Variants in ST6GAL2 observed in about 807,000 individuals in gnomAD.
ST6GAL2 encodes the protein beta-galactoside alpha-2,6-sialyltransferase 2.
ST6GAL2 carries 24 observed loss-of-function variants against 37.5 expected under a neutral mutation model. That is an observed-to-expected ratio of 0.64 (90% CI 0.46 to 0.90). The LOEUF (loss-of-function observed/expected upper bound fraction) is 0.90. Among genes scored for constraint, ST6GAL2 ranks in the 40% least tolerant of loss-of-function variants. The probability of loss-of-function intolerance (pLI) is 0.00; values close to 1 mark genes in which losing one functional copy is unlikely to be tolerated. For missense variants in ST6GAL2, 715 were observed against 712.7 expected (o/e 1.00, Z -0.04); for synonymous variants, 306 against 295.1 (o/e 1.04, Z -0.38).
chr2:106,849,720 C>A (rs545751706), intron 1 of ST6GAL2, among the ~76,000 whole-genome samples: 2 of 152,158 alleles, frequency 1.3e-5, no homozygotes, highest in Non-Finnish European at 2.9e-5. Context: ...ACCTATGAGG[C>A]GTCATCTCTA....
Position 106,843,159 on chromosome 2 carries a change from C to T in ST6GAL2, c.819G>A (p.Ala273=), listed in dbSNP as rs1437979462. The part of the protein sequence containing the change: ...TLDGTEAPFS[A]LGWRRLVPAV... Reference sequence around the variant, plus strand: ...CGGGCACCAGGCGCCGCCAGCCCAGCGCAGAAAAGGGCGCCTCGGTGCCGT... The same window carrying T: ...CGGGCACCAGGCGCCGCCAGCCCAGTGCAGAAAAGGGCGCCTCGGTGCCGT... Residue 273 remains alanine, a synonymous_variant, in exon 2 of 6, where the codon GCG becomes GCA. Coordinates refer to ENST00000409382, the MANE Select transcript of ST6GAL2 (RefSeq NM_001142351.2). The T allele has an allele frequency of 1.9e-6, 3 of 1,562,840 alleles. No individual in the cohort carries two copies. Among genetic ancestry groups the T allele is most frequent in the Non-Finnish European group, 2.6e-6 (3 of 1,155,472 alleles).
chr2:106,875,816 AT>A (rs1469661833), intron 1 of ST6GAL2, among the ~76,000 whole-genome samples: 3 of 152,228 alleles, frequency 2.0e-5, no homozygotes, highest in Non-Finnish European at 4.4e-5. Context: ...CCATATTATA[AT>A]TGGGATAGAA....
In ST6GAL2 at chr2:106,802,662, G is replaced by T. The variant is rs1487358907; in HGVS notation, c.*4016C>A. On this transcript the variant is annotated 3_prime_UTR_variant, in exon 6 of 6. Transcript: ENST00000409382. ...CCCAAGCAATTAATTTCCAGATGGA[G>T]TTGCCTTGATCAGTCATGTAACCAC... The T allele has an allele frequency of 2.0e-5, 3 of 152,212 alleles. 1 individual carries two copies. The highest frequency in any genetic ancestry group is 4.1e-4 in the South Asian group (2 of 4,824). The allele number at this position is 152,212 out of a possible 1,614,324, so 9.4% of individuals were successfully genotyped here.
chr2:106,819,154 A>G (rs758110760), intron 5 of ST6GAL2, among the ~76,000 whole-genome samples: 2 of 152,202 alleles, frequency 1.3e-5, no homozygotes. Flanking sequence ...GAGGAGGTAG[A>G]GCAAGATATA....
At chr2:106,849,964 T>A (rs547905757) in intron 1 of ST6GAL2, among the ~76,000 whole-genome samples, 91 of 152,318 alleles carry the variant, frequency 6.0e-4, no homozygotes, top group Admixed American at 1.0e-3. Context: ...CTCCCTAAAG[T>A]GTGTAAAACC....
intron 1 of ST6GAL2, among the ~76,000 whole-genome samples, chr2:106,862,756 A>G (rs933742083): frequency 1.3e-5 from 2 of 152,188 alleles, no homozygotes; most frequent in African/African-American, 2.4e-5. Flanking sequence ...TTTTACTTTT[A>G]TTAGGCTTTA....
chr2:106,872,160 T>C (rs1678295315), intron 1 of ST6GAL2, among the ~76,000 whole-genome samples: 1 of 152,230 alleles, frequency 6.6e-6, no homozygotes, highest in African/African-American at 2.4e-5. Flanking sequence ...ACCCCTGTGT[T>C]ATATGTCGTC....
At chr2:106,872,751 G>A (rs1032895135) in intron 1 of ST6GAL2, among the ~76,000 whole-genome samples, 2 of 151,964 alleles carry the variant, frequency 1.3e-5, no homozygotes, top group East Asian at 1.9e-4. Flanking sequence ...ACAGGCGCCC[G>A]CCACCACACC....
chr2:106,828,914 G>C (rs1376389928), intron 5 of ST6GAL2, among the ~76,000 whole-genome samples: 1 of 152,112 alleles, frequency 6.6e-6, no homozygotes, highest in Non-Finnish European at 1.5e-5. Flanking sequence ...AAACTCTGAG[G>C]ATCAAAGCTA....
At chr2:106,824,944 G>T (rs1676146039) in intron 5 of ST6GAL2, 1 of 152,132 alleles carries the variant, frequency 6.6e-6, no homozygotes, top group African/African-American at 2.4e-5. Flanking sequence ...CTGAAAGAAT[G>T]GTTCTCAAAG....
At chr2:106,839,451 G>A (rs922941541) in intron 2 of ST6GAL2, among the ~76,000 whole-genome samples, 16 of 152,158 alleles carry the variant, frequency 1.1e-4, no homozygotes, top group African/African-American at 3.6e-4. Context: ...CCACTGAAGT[G>A]TGCCGGTATG....
chr2:106,848,285 G>A (rs1425725597), intron 1 of ST6GAL2, among the ~76,000 whole-genome samples: 1 of 152,102 alleles, frequency 6.6e-6, no homozygotes, highest in Non-Finnish European at 1.5e-5. Flanking sequence ...TATCGCTAAG[G>A]AAATTCCAAA....
At position 106,806,474 on chromosome 2, in the gene ST6GAL2, T is replaced by C; in HGVS notation, c.*204A>G. ...TTGGTTTTGCATCTTTCTTGAGCCT[T>C]ATTTTTTTAAAAAAACCATTTCTAT... On this transcript the variant is annotated 3_prime_UTR_variant, in exon 6 of 6. Coordinates refer to ENST00000409382, the MANE Select transcript of ST6GAL2 (RefSeq NM_001142351.2). The C allele has an allele frequency of 5.0e-6, 3 of 603,756 alleles. No homozygotes were observed. Among genetic ancestry groups the C allele is most frequent in the Non-Finnish European group, 8.3e-6 (3 of 363,226 alleles). The allele number at this position is 603,756 out of a possible 1,614,324, so 37.4% of individuals were successfully genotyped here.
chr2:106,876,131 C>A (rs1001810463), intron 1 of ST6GAL2, among the ~76,000 whole-genome samples: 3 of 121,804 alleles, frequency 2.5e-5, no homozygotes, highest in Admixed American at 1.8e-4. Context: ...CATGCCTGGA[C>A]ACAAATTTCA....
rs1340057991 is a variant in ST6GAL2, at chr2:106,865,532, A to C, written c.-58+20561T>G. Among the ~76,000 whole-genome samples, 4 of 152,358 alleles carry C rather than the reference A, an allele frequency of 2.6e-5. No homozygotes were observed. The East Asian group carries it at 7.7e-4, about 29-fold the overall frequency. On this transcript the variant is annotated intron_variant, in intron 1 of 5. Coordinates refer to ENST00000409382, the MANE Select transcript of ST6GAL2 (RefSeq NM_001142351.2). ...TAACACATGAAAACACCCGGTCAGC[A>C]GGTAACAGTAACAGGTAGTAAGCAA...
chr2:106,884,093 G>A (rs1004394213), intron 1 of ST6GAL2, among the ~76,000 whole-genome samples: 4 of 149,620 alleles, frequency 2.7e-5, no homozygotes, highest in Admixed American at 6.6e-5. Flanking sequence ...CTCACACACT[G>A]AAATCATCTC....
chr2:106,811,808 TAGG>T (rs1174357475), intron 5 of ST6GAL2, among the ~76,000 whole-genome samples: 1 of 152,120 alleles, frequency 6.6e-6, no homozygotes, highest in African/African-American at 2.4e-5. Flanking sequence ...AATGATTCAA[TAGG>T]AAGACCCAGA....
At chr2:106,875,411 C>G (rs1324071399) in intron 1 of ST6GAL2, among the ~76,000 whole-genome samples, 1 of 152,130 alleles carries the variant, frequency 6.6e-6, no homozygotes, top group Non-Finnish European at 1.5e-5. Context: ...CTCCTGAGCT[C>G]AGGCAATCCA....
intron 1 of ST6GAL2, among the ~76,000 whole-genome samples, chr2:106,857,883 G>A (rs984294961): frequency 7.9e-5 from 12 of 152,120 alleles, no homozygotes; most frequent in Non-Finnish European, 1.6e-4. Context: ...CCTACACACA[G>A]GTCAGGTGTT....
Sources: gnomAD v4.1 joint callset for allele counts (sites outside exome capture counted in the v4.1 genomes callset) on GRCh38, gnomAD v4.1.1 for gene constraint, MANE v1.5 for transcripts, NCBI Gene and HGNC (gene_info 2026-07-23, HGNC 2026-07-21) for gene names.